EIF4G3: variants seen among roughly 807,000 people sequenced by gnomAD.
The protein encoded by EIF4G3 is eukaryotic translation initiation factor 4 gamma 3.
A neutral mutation model predicts 186.4 loss-of-function variants in EIF4G3; 34 were observed. That is an observed-to-expected ratio of 0.18 (90% confidence interval 0.14 to 0.24). EIF4G3 has a LOEUF of 0.24. EIF4G3 is among the 10% of genes least tolerant of loss of function. EIF4G3 has a pLI of 1.00. For missense variants in EIF4G3, 1,536 were observed against 1,948.5 expected (o/e 0.79, Z 3.99); for synonymous variants, 673 against 679.5 (o/e 0.99, Z 0.15).
chr1:21,146,306 T>G (rs566976436), intron 2 of EIF4G3, among the ~76,000 whole-genome samples: 1 of 152,096 alleles, frequency 6.6e-6, no homozygotes, highest in East Asian at 1.9e-4. Flanking sequence ...AAAGCTGAGG[T>G]GAGCCATGGC....
Position 20,957,874 on chromosome 1 carries a change from A to G in EIF4G3, c.715-7763T>C, listed in dbSNP as rs112290635. On this transcript the variant is annotated intron_variant, in intron 12 of 36. Transcript: ENST00000602326. ...GGAAAGACAAACCCTGAACAGACCA[A>G]TGACAAGCAGCAAGATTGAATCAGT... Among the ~76,000 whole-genome samples, 942 of 152,284 alleles carry G rather than the reference A, an allele frequency of 6.2e-3. 8 individuals carry two copies. Among genetic ancestry groups the G allele is most frequent in the African/African-American group, 0.022 (907 of 41,580 alleles).
chr1:20,882,203 ACACACAC>A (rs753347343), intron 19 of EIF4G3, among the ~76,000 whole-genome samples: 14 of 151,628 alleles, frequency 9.2e-5, no homozygotes, highest in East Asian at 1.9e-4. Context: ...ACACACACAC[ACACACAC>A]ACACAAAATC....
At chr1:20,817,680 AG>A in intron 33 of EIF4G3, 142 bp from the exon 34 acceptor site, 153 of 220,518 alleles carry the variant, frequency 6.9e-4, no homozygotes, top group East Asian at 9.2e-4. Flanking sequence ...TTATGTTTGT[AG>A]TTTTTTTTTT....
intron 11 of EIF4G3, among the ~76,000 whole-genome samples, chr1:20,972,322 T>C: frequency 6.6e-6 from 1 of 152,176 alleles, no homozygotes; most frequent in East Asian, 1.9e-4. Context: ...CAATTCATAC[T>C]TGAATGGAGA....
intron 30 of EIF4G3, among the ~76,000 whole-genome samples, chr1:20,838,800 C>T (rs926486614): frequency 6.6e-6 from 1 of 152,074 alleles, no homozygotes; most frequent in Non-Finnish European, 1.5e-5. Context: ...CCTCAACCTC[C>T]CAAGTAGCTG....
At chr1:21,130,410 G>A (rs1330018905) in intron 2 of EIF4G3, among the ~76,000 whole-genome samples, 2 of 151,572 alleles carry the variant, frequency 1.3e-5, no homozygotes, top group African/African-American at 4.8e-5. Flanking sequence ...TGTTTTTTTA[G>A]TTGAGATGGG....
At chr1:20,857,162 C>CAAAAAAAAAAAA (rs577290987) in intron 25 of EIF4G3, among the ~76,000 whole-genome samples, 9,922 of 46,544 alleles carry the variant, frequency 0.21, 2,441 homozygotes, top group Non-Finnish European at 0.26. Flanking sequence ...GACTCCATCT[C>CAAAAAAAAAAAA]AAAAAAAAAA....
At position 20,993,974 on chromosome 1, in the gene EIF4G3, C is replaced by A. The variant is rs886243945; in HGVS notation, c.177+3627G>T. Among the ~76,000 whole-genome samples, 58 of 152,316 alleles carry A rather than the reference C, an allele frequency of 3.8e-4. 1 individual carries two copies. Among genetic ancestry groups the A allele is most frequent in the African/African-American group, 1.4e-3 (58 of 41,568 alleles). On this transcript the variant is annotated intron_variant, in intron 7 of 36. Transcript: ENST00000602326. ...GTTTAGGTGCTACCTGACTTTAGAT[C>A]TGAAGAGAAGATACTGTGAAATACA...
intron 4 of EIF4G3, among the ~76,000 whole-genome samples, chr1:21,036,539 G>A (rs954745349): frequency 6.6e-6 from 1 of 152,156 alleles, no homozygotes; most frequent in Non-Finnish European, 1.5e-5. Context: ...GTTACACAGA[G>A]ATGGTATTTC....
chr1:20,852,380 T>A (rs775085534), intron 27 of EIF4G3, among the ~76,000 whole-genome samples: 5 of 152,156 alleles, frequency 3.3e-5, no homozygotes, highest in Non-Finnish European at 5.9e-5. Context: ...ATGAGTTACA[T>A]AAATGAAAGG....
chr1:21,038,149 T>C (rs1255473135), intron 4 of EIF4G3, among the ~76,000 whole-genome samples: 1 of 152,234 alleles, frequency 6.6e-6, no homozygotes, highest in Non-Finnish European at 1.5e-5. Context: ...AAGACAATAA[T>C]AGACTCACAT....
chr1:20,989,663 G>C (rs1267298731), intron 7 of EIF4G3, among the ~76,000 whole-genome samples: 3 of 151,390 alleles, frequency 2.0e-5, no homozygotes, highest in African/African-American at 7.3e-5. Flanking sequence ...GCTTCATATG[G>C]AGGAGCAAAA....
intron 29 of EIF4G3, chr1:20,841,378 ATCAC>A (rs1403311253): frequency 9.4e-5 from 15 of 160,160 alleles, no homozygotes; most frequent in Non-Finnish European, 1.5e-4. Flanking sequence ...TTTATTAAAC[ATCAC>A]TCAAAGGGTG....
At chr1:20,839,783 C>G (rs886249640) in intron 30 of EIF4G3, among the ~76,000 whole-genome samples, 1 of 151,886 alleles carries the variant, frequency 6.6e-6, no homozygotes, top group African/African-American at 2.4e-5. Context: ...GCCACTGCAC[C>G]TGGCCAACAA....
intron 10 of EIF4G3, among the ~76,000 whole-genome samples, chr1:20,978,807 T>A (rs1184617046): frequency 6.6e-6 from 1 of 152,092 alleles, no homozygotes; most frequent in East Asian, 1.9e-4. Context: ...GAAATAGCAG[T>A]TTCCCAAGAC....
chr1:21,118,931 TAAAAAAAAAA>T (rs35040627), intron 2 of EIF4G3, among the ~76,000 whole-genome samples: 1 of 86,170 alleles, frequency 1.2e-5, no homozygotes. Context: ...CAAGCTCTAT[TAAAAAAAAAA>T]AAAAAAAAAA....
intron 30 of EIF4G3, among the ~76,000 whole-genome samples, chr1:20,836,234 T>C (rs1273548599): frequency 6.6e-6 from 1 of 151,966 alleles, no homozygotes; most frequent in Non-Finnish European, 1.5e-5. Context: ...TTGCCCACTT[T>C]GGCCTCCCAA....
chr1:20,985,289 C>G lies in EIF4G3; in HGVS notation c.178-2881G>C, dbSNP rs115359193. ...ACAAATTTCTTCTACCTACACAACTCCAATTCTCTATCTCCCAAAAAGTGA... is the reference window on the plus strand; with the variant it reads ...ACAAATTTCTTCTACCTACACAACTGCAATTCTCTATCTCCCAAAAAGTGA... On this transcript the variant is annotated intron_variant, in intron 7 of 36. Transcript: ENST00000602326. 9.8e-3 allele frequency among the ~76,000 whole-genome samples: 1,488 copies of G among 152,286 alleles called. 16 individuals are homozygous for G. Among genetic ancestry groups the G allele is most frequent in the Non-Finnish European group, 0.017 (1,157 of 68,020 alleles).
At chr1:20,931,199 T>C (rs188516887) in intron 14 of EIF4G3, among the ~76,000 whole-genome samples, 9 of 152,216 alleles carry the variant, frequency 5.9e-5, no homozygotes, top group Non-Finnish European at 7.4e-5. Flanking sequence ...AGGAGGTTTT[T>C]AGTTTGCCCA....
Sources: allele counts gnomAD v4.1 joint callset (sites outside exome capture counted in the v4.1 genomes callset), GRCh38; gene constraint gnomAD v4.1.1; transcripts MANE v1.5; gene names NCBI Gene and HGNC (gene_info 2026-07-23, HGNC 2026-07-21).